NMI: variants seen among roughly 807,000 people sequenced by gnomAD.
The protein encoded by NMI is N-myc-interactor.
A neutral mutation model predicts 34.3 loss-of-function variants in NMI; 39 were observed. The ratio of observed to expected loss-of-function variants is 1.14; its 90% confidence interval spans 0.88 to 1.49. The LOEUF (loss-of-function observed/expected upper bound fraction) is 1.49, where lower values mean the gene tolerates loss of function less well. NMI is among the 40% of genes most tolerant of loss of function. The probability of loss-of-function intolerance (pLI) is 0.00; values close to 1 mark genes in which losing one functional copy is unlikely to be tolerated. For missense variants in NMI, 339 were observed against 358.1 expected (o/e 0.95, Z 0.43); for synonymous variants, 113 against 120.3 (o/e 0.94, Z 0.40).
At chr2:151,278,350 G>C (rs544322243) in intron 4 of NMI, 1 of 153,184 alleles carries the variant, frequency 6.5e-6, no homozygotes, top group Non-Finnish European at 1.5e-5. Flanking sequence ...CTTCTCATTC[G>C]TTGGCTATGT....
intron 4 of NMI, among the ~76,000 whole-genome samples, chr2:151,277,090 T>G (rs979647425): frequency 1.9e-4 from 29 of 152,342 alleles, no homozygotes; most frequent in Middle Eastern, 3.4e-3. Context: ...ACTCTCTGTC[T>G]TATAAAACTT....
At chr2:151,280,166 G>T (rs1332517827) in intron 3 of NMI, among the ~76,000 whole-genome samples, 2 of 125,090 alleles carry the variant, frequency 1.6e-5, no homozygotes, top group African/African-American at 6.3e-5. Flanking sequence ...TTGCATTCCA[G>T]CCTGGGCAAC....
intron 1 of NMI, among the ~76,000 whole-genome samples, chr2:151,287,273 A>G (rs1245131282): frequency 1.3e-5 from 2 of 150,570 alleles, no homozygotes; most frequent in Non-Finnish European, 3.0e-5. Flanking sequence ...GACGATATAT[A>G]TATATAAGTA....
chr2:151,281,869 A>G, intron 3 of NMI, 79 bp downstream of exon 3: 1 of 753,656 alleles, frequency 1.3e-6, no homozygotes, highest in Non-Finnish European at 2.3e-6. Context: ...TTAAAAATGA[A>G]TTTTGTGTAA....
chr2:151,279,540 G>C (rs1683350868), intron 3 of NMI, among the ~76,000 whole-genome samples: 1 of 150,814 alleles, frequency 6.6e-6, no homozygotes, highest in Admixed American at 6.6e-5. Flanking sequence ...ACAGTGGTGT[G>C]ATCTCGGCTC....
intron 6 of NMI, among the ~76,000 whole-genome samples, chr2:151,273,951 C>T (rs1318832173): frequency 6.6e-6 from 1 of 152,170 alleles, no homozygotes; most frequent in East Asian, 1.9e-4. Context: ...ATTTCCAAGA[C>T]AACATATTAC....
intron 1 of NMI, among the ~76,000 whole-genome samples, chr2:151,289,358 A>G (rs1683576665): frequency 6.6e-6 from 1 of 152,228 alleles, no homozygotes; most frequent in Non-Finnish European, 1.5e-5. Context: ...ACAAGGCTCG[A>G]AGCCCTGACG....
At chr2:151,283,072 T>A in intron 1 of NMI, 118 bp from the exon 2 acceptor site, 1 of 474,024 alleles carries the variant, frequency 2.1e-6, no homozygotes, top group African/African-American at 2.0e-5. Flanking sequence ...TATATCTTTT[T>A]TTCCCATCAT....
chr2:151,274,071 G>A (rs938660279), intron 6 of NMI, among the ~76,000 whole-genome samples: 8 of 151,806 alleles, frequency 5.3e-5, no homozygotes, highest in Non-Finnish European at 1.0e-4. Flanking sequence ...GGCCAGGAGC[G>A]GCGGCTCATG....
At chr2:151,281,776 T>C (rs1683409830) in intron 3 of NMI, among the ~76,000 whole-genome samples, 172 bp downstream of exon 3, 1 of 152,236 alleles carries the variant, frequency 6.6e-6, no homozygotes, top group Admixed American at 6.5e-5. Flanking sequence ...AATTCACTAA[T>C]TCGTTCTACT....
intron 3 of NMI, among the ~76,000 whole-genome samples, chr2:151,281,691 A>T (rs1327556938): frequency 6.6e-6 from 1 of 152,156 alleles, no homozygotes; most frequent in African/African-American, 2.4e-5. Flanking sequence ...TATGAAACTC[A>T]TTTGTGTTGC....
chr2:151,278,500 T>G, intron 4 of NMI: 1 of 226,208 alleles, frequency 4.4e-6, no homozygotes, highest in Non-Finnish European at 8.9e-6. Context: ...ATAATGTCTC[T>G]GAGAACTGTA....
At position 151,286,668 on chromosome 2, in the gene NMI, A is replaced by C. The variant is rs78878140; in HGVS notation, c.-7+2925T>G. Reference sequence around the variant, plus strand: ...TTTTAATTCTGAATTCATATCACAGAAAGAAGACTGAAGTCTGTCAACAAA... The same window carrying C: ...TTTTAATTCTGAATTCATATCACAGCAAGAAGACTGAAGTCTGTCAACAAA... On this transcript the variant is annotated intron_variant, in intron 1 of 7. Coordinates refer to ENST00000243346, the MANE Select transcript of NMI (RefSeq NM_004688.3). 3.4e-3 allele frequency among the ~76,000 whole-genome samples: 525 copies of C among 152,352 alleles called. 2 individuals are homozygous for C. The highest frequency in any genetic ancestry group is 0.012 in the African/African-American group (507 of 41,584).
At position 151,275,834 on chromosome 2, in the gene NMI, T is replaced by C. The variant is rs757889669; in HGVS notation, c.371A>G (p.His124Arg). ...ATTTACATCTTTTATCTGTACATGA[T>C]GTTTACTCATGCTTACCACATTTTG... is the stretch of plus-strand genomic sequence containing the variant. ...VAQNVVSMSK[H>R]HVQIKDVNLE... Residue 124 changes from histidine to arginine, a missense_variant, in exon 5 of 8, where the codon CAT (histidine) becomes CGT (arginine). Coordinates refer to ENST00000243346, the MANE Select transcript of NMI (RefSeq NM_004688.3). The C allele has an allele frequency of 6.2e-7, 1 of 1,607,292 alleles. No individual in the cohort carries two copies. The highest frequency in any genetic ancestry group is 1.3e-5 in the African/African-American group (1 of 74,764).
chr2:151,276,570 T>G (rs1487805079), intron 4 of NMI, among the ~76,000 whole-genome samples: 1 of 152,208 alleles, frequency 6.6e-6, no homozygotes, highest in Non-Finnish European at 1.5e-5. Context: ...AGTACATTAA[T>G]GCACAGCCAG....
At chr2:151,273,606 T>C (rs1683225695) in intron 6 of NMI, among the ~76,000 whole-genome samples, 1 of 152,194 alleles carries the variant, frequency 6.6e-6, no homozygotes, top group Admixed American at 6.5e-5. Context: ...CCCTGCAACC[T>C]CCACCCCCCA....
At chr2:151,274,601 G>A (rs113446745) in intron 6 of NMI, among the ~76,000 whole-genome samples, 3,532 of 148,532 alleles carry the variant, frequency 0.024, 59 homozygotes, top group African/African-American at 0.028. Context: ...TGAGCCCCCC[G>A]AGTAGCTGGG....
Position 151,275,559 on chromosome 2 carries a change from C to A in NMI, c.559G>T (p.Gly187Ter). The change falls in exon 6 of 8, where the codon GGA becomes TGA. Residue 187 changes from glycine to a stop codon, truncating the protein, a stop_gained. Coordinates refer to ENST00000243346, the MANE Select transcript of NMI (RefSeq NM_004688.3). LOFTEE classifies it high-confidence loss of function. ...LELSFSKSRNGGGEVDRVDYD... is the reference protein window; with the variant it reads ...LELSFSKSRN ...TCCACGCGGTCCACCTCTCCGCCTC[C>A]ATTTCGGGACTTTGAAAAGCTCAGC... The A allele has an allele frequency of 6.2e-7, 1 of 1,614,210 alleles. No individual in the cohort carries two copies. Among genetic ancestry groups the A allele is most frequent in the East Asian group, 2.2e-5 (1 of 44,888 alleles).
At chr2:151,283,219 C>A (rs1683439425) in intron 1 of NMI, among the ~76,000 whole-genome samples, 1 of 152,032 alleles carries the variant, frequency 6.6e-6, no homozygotes, top group Admixed American at 6.6e-5. Flanking sequence ...TGGCTCACTG[C>A]AACCTCTGCC....
Sources: gnomAD v4.1 joint callset for allele counts (sites outside exome capture counted in the v4.1 genomes callset) on GRCh38, gnomAD v4.1.1 for gene constraint, MANE v1.5 for transcripts, NCBI Gene and HGNC (gene_info 2026-07-23, HGNC 2026-07-21) for gene names.